GLB1L2: variants seen among roughly 807,000 people sequenced by gnomAD.
GLB1L2 encodes beta-galactosidase-1-like protein 2.
In GLB1L2, 68 loss-of-function variants were observed where a neutral mutation model predicts 84.1. The observed-to-expected ratio is 0.81, with a 90% CI of 0.67 to 0.99. The LOEUF is 0.99. Ranked by LOEUF, GLB1L2 falls within the 50% of genes least tolerant of loss-of-function variation. The pLI, the probability that GLB1L2 is intolerant of heterozygous loss-of-function variation, is 0.00. For missense variants in GLB1L2, 762 were observed against 805.6 expected (o/e 0.95, Z 0.66); for synonymous variants, 290 against 318.0 (o/e 0.91, Z 0.94).
At position 134,339,316 on chromosome 11, in the gene GLB1L2, G is replaced by A. The variant is rs144318645; in HGVS notation, c.87-3438G>A. On this transcript the variant is annotated intron_variant, in intron 1 of 18. Transcript: ENST00000535456. The surrounding 1 kb of genome is among the most constrained non-coding windows in gnomAD (Gnocchi z 5.7). Reference sequence around the variant, plus strand: ...GTTATTCTCCGTCTTATGATTATTAGTATTAATGATCATTATCAGTGTTAA... The same window carrying A: ...GTTATTCTCCGTCTTATGATTATTAATATTAATGATCATTATCAGTGTTAA... Among the ~76,000 whole-genome samples, 116 of 152,252 alleles carry A rather than the reference G, an allele frequency of 7.6e-4. 1 individual carries two copies. In the East Asian group the frequency reaches 0.017, roughly 22 times the overall value.
Position 134,369,789 on chromosome 11 carries a change from G to T in GLB1L2, c.1028-16G>T, listed in dbSNP as rs372511392. On this transcript the variant is annotated splice_polypyrimidine_tract_variant and intron_variant, in intron 10 of 18. Coordinates refer to ENST00000535456, the MANE Select transcript of GLB1L2 (RefSeq NM_001370461.1). The stretch of plus-strand genomic sequence containing the variant: ...TGGGGACAGGAATGACCATGACAGG[G>T]CCCGGTGTCTTGCAGACTATGATGC... 50 of 1,605,652 alleles carry T rather than the reference G, an allele frequency of 3.1e-5. No individual in the cohort carries two copies. Among genetic ancestry groups the T allele is most frequent in the Non-Finnish European group, 3.9e-5 (46 of 1,173,094 alleles).
At chr11:134,368,418 C>T (rs1457697765) in intron 9 of GLB1L2, among the ~76,000 whole-genome samples, 1 of 152,206 alleles carries the variant, frequency 6.6e-6, no homozygotes, top group Non-Finnish European at 1.5e-5. Context: ...CCAGGATTGA[C>T]AGACAACTGG....
chr11:134,341,911 T>TG (rs1268337157), intron 1 of GLB1L2, among the ~76,000 whole-genome samples: 5 of 118,992 alleles, frequency 4.2e-5, no homozygotes, highest in Non-Finnish European at 7.0e-5. Context: ...CGAGCGCCGG[T>TG]GGGGACGAAG....
intron 10 of GLB1L2, among the ~76,000 whole-genome samples, 197 bp from the exon 11 acceptor site, chr11:134,369,608 C>CAAGCGAT (rs1591624674): frequency 6.6e-6 from 1 of 152,204 alleles, no homozygotes; most frequent in Admixed American, 6.5e-5. Flanking sequence ...AGCCGCTGCA[C>CAAGCGAT]CTGGCCTTAT....
At position 134,370,033 on chromosome 11, in the gene GLB1L2, G is replaced by C; in HGVS notation, c.1108+148G>C. Reference sequence around the variant, plus strand: ...TAGACAAGGACAGGGAGGTGTGTGAGGCTGTTTCCATCTTGCCGGCTTCAC... The same window carrying C: ...TAGACAAGGACAGGGAGGTGTGTGACGCTGTTTCCATCTTGCCGGCTTCAC... On this transcript the variant is annotated intron_variant, in intron 11 of 18. Transcript: ENST00000535456. The surrounding 1 kb of genome is among the most constrained non-coding windows in gnomAD (Gnocchi z 4.7). The C allele has an allele frequency of 1.4e-6, 1 of 729,434 alleles. No homozygotes were observed. Among genetic ancestry groups the C allele is most frequent in the South Asian group, 1.7e-5 (1 of 58,576 alleles). 45.2% of individuals were successfully genotyped at this position (729,434 alleles called of 1,614,324 possible).
intron 2 of GLB1L2, among the ~76,000 whole-genome samples, chr11:134,343,286 C>G (rs1943497996): frequency 6.6e-6 from 1 of 152,162 alleles, no homozygotes; most frequent in Non-Finnish European, 1.5e-5. Context: ...TGAACGGAGT[C>G]TTCTTCAGGA....
At chr11:134,344,555 G>A (rs1431927155) in intron 3 of GLB1L2, 100 bp downstream of exon 3, 3 of 1,284,752 alleles carry the variant, frequency 2.3e-6, no homozygotes, top group East Asian at 2.3e-5. Flanking sequence ...AGGGACGTGG[G>A]TCTGGAGTCC....
chr11:134,368,637 C>A lies in GLB1L2; in HGVS notation c.890-7C>A, dbSNP rs372904369. On this transcript the variant is annotated splice_polypyrimidine_tract_variant and splice_region_variant and intron_variant, in intron 9 of 18. Coordinates refer to ENST00000535456, the MANE Select transcript of GLB1L2 (RefSeq NM_001370461.1). ...TCTGCACATCCCCTTTCTCCCTCCT[C>A]CGGCAGAGGTTTTGAAAACCGTGTC... 80 of 1,613,392 alleles carry A rather than the reference C, an allele frequency of 5.0e-5. No individual in the cohort carries two copies. The highest frequency in any genetic ancestry group is 6.2e-5 in the Non-Finnish European group (73 of 1,179,918).
intron 5 of GLB1L2, among the ~76,000 whole-genome samples, chr11:134,347,980 G>A (rs142163801): frequency 3.7e-4 from 56 of 152,266 alleles, no homozygotes; most frequent in African/African-American, 1.1e-3. Context: ...CAAAACATGC[G>A]TTAAAGTACG....
intron 7 of GLB1L2, chr11:134,360,111 C>CAGG (rs1254159514): frequency 6.6e-6 from 1 of 152,398 alleles, no homozygotes; most frequent in African/African-American, 2.4e-5. Flanking sequence ...CTCAGGGGCC[C>CAGG]AGGCGTGGTT....
intron 15 of GLB1L2, among the ~76,000 whole-genome samples, chr11:134,373,204 G>A (rs1014425499): frequency 2.6e-5 from 4 of 152,160 alleles, no homozygotes; most frequent in South Asian, 2.1e-4. Context: ...GCCCGGCCCC[G>A]GGACACTGAT....
chr11:134,350,264 G>A (rs1003060606), intron 5 of GLB1L2, among the ~76,000 whole-genome samples: 1 of 152,200 alleles, frequency 6.6e-6, no homozygotes, highest in African/African-American at 2.4e-5. Flanking sequence ...TTCAGCCCAT[G>A]GTGGTGAGGC....
chr11:134,336,483 T>G (rs1317556780), intron 1 of GLB1L2, among the ~76,000 whole-genome samples: 1 of 152,236 alleles, frequency 6.6e-6, no homozygotes, highest in Non-Finnish European at 1.5e-5. Flanking sequence ...AGCCTTCTAC[T>G]GATGGACATC....
Position 134,375,215 on chromosome 11 carries a change from A to AACCCTAAGCCTGC in GLB1L2, c.*159_*171dup. The AACCCTAAGCCTGC allele has an allele frequency of 1.6e-6, 1 of 608,944 alleles. No individual in the cohort carries two copies. The highest frequency in any genetic ancestry group is 3.0e-5 in the Admixed American group (1 of 32,984). The allele number at this position is 608,944 out of a possible 1,614,324, so 37.7% of individuals were successfully genotyped here. A position where few individuals can be genotyped will look rare whatever the true frequency, so the allele number is the denominator to read the frequency against. On this transcript the variant is annotated 3_prime_UTR_variant, in exon 19 of 19. Coordinates refer to ENST00000535456, the MANE Select transcript of GLB1L2 (RefSeq NM_001370461.1). ...ACAGTCTGCCCCTGTCTCAGCTCAA[A>AACCCTAAGCCTGC]ACCCTAAGCCTGCAGGGAAAGGTGG...
intron 1 of GLB1L2, among the ~76,000 whole-genome samples, chr11:134,340,644 C>T (rs1943449552): frequency 6.6e-6 from 1 of 152,222 alleles, no homozygotes; most frequent in Admixed American, 6.5e-5. Context: ...CACTCCAGGG[C>T]TTCATCTGCA....
At chr11:134,374,116 C>T (rs1016131016) in intron 16 of GLB1L2, 29 bp from the exon 17 acceptor site, 1 of 1,506,814 alleles carries the variant, frequency 6.6e-7, no homozygotes, top group Non-Finnish European at 9.2e-7. Flanking sequence ...AGGGCCTCCT[C>T]CCTCTCCTTC....
In GLB1L2 at chr11:134,373,774, T is replaced by G; in HGVS notation, c.1561T>G (p.Tyr521Asp). 3 of 1,612,776 alleles carry G rather than the reference T, an allele frequency of 1.9e-6. No individual in the cohort carries two copies. Among genetic ancestry groups the G allele is most frequent in the Non-Finnish European group, 2.5e-6 (3 of 1,178,822 alleles). The stretch of plus-strand genomic sequence containing the variant: ...TTCACCCCTGAAAAACTTCAGAATC[T>G]ATAGCCTGGATATGAAGAAGAGCTT... Reference protein sequence around the residue: ...NDSPLKNFRIYSLDMKKSFFQ... With the variant: ...NDSPLKNFRIDSLDMKKSFFQ... Residue 521 changes from tyrosine (Y) to aspartate (D), a missense_variant, in exon 16 of 19, where the codon TAT (tyrosine) becomes GAT (aspartate). Transcript: ENST00000535456.
chr11:134,347,288 C>A, intron 4 of GLB1L2, 37 bp from the exon 5 acceptor site: 1 of 1,503,028 alleles, frequency 6.7e-7, no homozygotes, highest in Non-Finnish European at 9.3e-7. Flanking sequence ...CCCACTGTGA[C>A]ACTAACATCC....
At position 134,370,959 on chromosome 11, in the gene GLB1L2, A is replaced by C; in HGVS notation, c.1216-49A>C. 1 of 1,606,484 alleles carries C rather than the reference A, an allele frequency of 6.2e-7. No homozygotes were observed. The highest frequency in any genetic ancestry group is 8.5e-7 in the Non-Finnish European group (1 of 1,176,160). On this transcript the variant is annotated intron_variant, in intron 12 of 18. Coordinates refer to ENST00000535456, the MANE Select transcript of GLB1L2 (RefSeq NM_001370461.1). This position sits in a 1 kb window ranked among gnomAD's most constrained non-coding sequence, Gnocchi z 4.7. Reference sequence around the variant, plus strand: ...AGCCCCCAGGCAGAGTCTGTCTGTGACCCCACTCCTCCTGAGCCTGCCCAC... The same window carrying C: ...AGCCCCCAGGCAGAGTCTGTCTGTGCCCCCACTCCTCCTGAGCCTGCCCAC...
Sources: gnomAD v4.1 joint callset for allele counts (sites outside exome capture counted in the v4.1 genomes callset) on GRCh38, gnomAD v4.1.1 for gene constraint, Gnocchi (gnomAD v3.1) non-coding constraint, MANE v1.5 for transcripts, NCBI Gene and HGNC (gene_info 2026-07-23, HGNC 2026-07-21) for gene names.